The following CERT1 variants were observed in gnomAD, a reference collection of about 807,000 sequenced individuals.
The protein encoded by CERT1 is ceramide transporter 1, also known as ceramide transfer protein.
In CERT1, 31 loss-of-function variants were observed where a neutral mutation model predicts 87.9. That is an observed-to-expected ratio of 0.35 (90% confidence interval 0.27 to 0.48). The LOEUF is 0.48. CERT1 is among the 20% of genes least tolerant of loss of function. The pLI is 0.99. For synonymous variants in CERT1, 289 were observed against 250.9 expected, an observed-to-expected ratio of 1.15 and a Z score of -1.44; for missense variants, 487 against 758.0, an observed-to-expected ratio of 0.64 and a Z score of 4.20.
rs987489487 is a variant in CERT1 at position 75,384,514 on chromosome 5, T to C, written c.1488+128A>G. 5 of 614,496 alleles carry C rather than the reference T, an allele frequency of 8.1e-6. No individual in the cohort carries two copies. In the Admixed American group the frequency reaches 8.9e-5, roughly 11 times the overall value. The allele number at this position is 614,496 out of a possible 1,614,324, so 38.1% of individuals were successfully genotyped here. The stretch of plus-strand genomic sequence containing the variant: ...CTTTTAAATACATGACATTCATGAA[T>C]CATTATTTAATAAAGTCTTTGGATT... On this transcript the variant is annotated intron_variant, in intron 14 of 16. Coordinates refer to ENST00000643780, the MANE Select transcript of CERT1 (RefSeq NM_001379029.1).
chr5:75,409,085 A>G (rs1376477608), intron 8 of CERT1, among the ~76,000 whole-genome samples: 2 of 152,098 alleles, frequency 1.3e-5, no homozygotes, highest in Admixed American at 6.5e-5. Context: ...CAATCTTCCT[A>G]TAATGAATAT....
chr5:75,489,787 G>A (rs1191640422), intron 2 of CERT1, among the ~76,000 whole-genome samples: 2 of 152,156 alleles, frequency 1.3e-5, no homozygotes, highest in Non-Finnish European at 1.5e-5. Flanking sequence ...TCTGTTGGTG[G>A]GAGTGTAAAT....
Position 75,511,415 on chromosome 5 carries a change from T to C in CERT1, c.-208A>G. The C allele has an allele frequency of 1.3e-6, 2 of 1,544,602 alleles. No homozygotes were observed. Among genetic ancestry groups the C allele is most frequent in the South Asian group, 2.4e-5 (2 of 83,858 alleles). ...CGGAGCGAGGAAGGAGGACGAGCGGTGAAGGAAGCCTACCCTTCCAGCCGT... is the reference window on the plus strand; with the variant it reads ...CGGAGCGAGGAAGGAGGACGAGCGGCGAAGGAAGCCTACCCTTCCAGCCGT... On this transcript the variant is annotated 5_prime_UTR_variant, in exon 1 of 17. Coordinates refer to ENST00000643780, the MANE Select transcript of CERT1 (RefSeq NM_001379029.1).
chr5:75,473,009 C>T (rs1372675308), intron 2 of CERT1, among the ~76,000 whole-genome samples: 1 of 152,204 alleles, frequency 6.6e-6, no homozygotes, highest in East Asian at 1.9e-4. Flanking sequence ...GAATCAACCT[C>T]AGTGTCCATT....
chr5:75,426,424 A>AC lies in CERT1; in HGVS notation c.402dup (p.Ser135ValfsTer25). 1 of 1,614,002 alleles carries AC rather than the reference A, an allele frequency of 6.2e-7. No homozygotes were observed. Among genetic ancestry groups the AC allele is most frequent in the Non-Finnish European group, 8.5e-7 (1 of 1,179,940 alleles). ...TAGCCACTTGCTCCAGACACCAGGG[A>AC]CACCATTGAGCCATGTCGACGCAAG... is the stretch of plus-strand genomic sequence containing the variant. On this transcript the variant is annotated frameshift_variant, in exon 4 of 17. Coordinates refer to ENST00000643780, the MANE Select transcript of CERT1 (RefSeq NM_001379029.1). LOFTEE classifies it high-confidence loss of function.
At chr5:75,497,159 C>A (rs760082425) in intron 2 of CERT1, among the ~76,000 whole-genome samples, 7 of 152,114 alleles carry the variant, frequency 4.6e-5, no homozygotes, top group Non-Finnish European at 4.4e-5. Context: ...GCATGAGAAT[C>A]TGTTCAAACA....
chr5:75,402,826 A>G (rs1762552652), intron 9 of CERT1, 146 bp downstream of exon 9: 5 of 525,318 alleles, frequency 9.5e-6, no homozygotes, highest in Admixed American at 3.3e-5. Flanking sequence ...ATTATTTTAC[A>G]TTTGTGACTC....
intron 2 of CERT1, among the ~76,000 whole-genome samples, chr5:75,497,397 A>G (rs1203508625): frequency 1.3e-5 from 2 of 152,200 alleles, no homozygotes; most frequent in Non-Finnish European, 2.9e-5. Context: ...CTTAGACATT[A>G]TCCCCCTTGT....
chr5:75,406,480 T>C (rs1762709121), intron 8 of CERT1, among the ~76,000 whole-genome samples: 1 of 152,216 alleles, frequency 6.6e-6, no homozygotes, highest in South Asian at 2.1e-4. Context: ...GCAGGATCCT[T>C]ATAAGCCTTG....
intron 5 of CERT1, among the ~76,000 whole-genome samples, chr5:75,424,506 A>T (rs996512458): frequency 6.6e-6 from 1 of 151,434 alleles, no homozygotes; most frequent in African/African-American, 2.4e-5. Flanking sequence ...AGGGAGCCGG[A>T]GGTTGCAGCG....
intron 4 of CERT1, among the ~76,000 whole-genome samples, chr5:75,425,941 G>C (rs1379976523): frequency 6.6e-6 from 1 of 152,152 alleles, no homozygotes; most frequent in Non-Finnish European, 1.5e-5. Context: ...TGATCATATA[G>C]ACACTTTTGC....
chr5:75,452,148 TAA>T (rs1764793363), intron 3 of CERT1, among the ~76,000 whole-genome samples: 1 of 152,126 alleles, frequency 6.6e-6, no homozygotes, highest in African/African-American at 2.4e-5. Context: ...TCACAAAGGG[TAA>T]GAACAATTCC....
intron 1 of CERT1, among the ~76,000 whole-genome samples, chr5:75,508,592 C>T (rs1280751848): frequency 6.6e-6 from 1 of 152,082 alleles, no homozygotes; most frequent in Non-Finnish European, 1.5e-5. Flanking sequence ...CCCCATTTAA[C>T]AAATACAGAT....
At chr5:75,444,670 C>T (rs1764466269) in intron 3 of CERT1, among the ~76,000 whole-genome samples, 1 of 151,624 alleles carries the variant, frequency 6.6e-6, no homozygotes, top group Non-Finnish European at 1.5e-5. Context: ...TCTCAGCCTC[C>T]CAAGTAGCTG....
At chr5:75,395,555 CAAAAA>C (rs35109034) in intron 11 of CERT1, among the ~76,000 whole-genome samples, 10 of 48,006 alleles carry the variant, frequency 2.1e-4, no homozygotes, top group African/African-American at 7.2e-4. Context: ...TGTCTCTTTA[CAAAAA>C]AAAAAAAAAA....
chr5:75,496,190 CA>C (rs969810672), intron 2 of CERT1, among the ~76,000 whole-genome samples: 3 of 149,882 alleles, frequency 2.0e-5, no homozygotes, highest in Non-Finnish European at 4.4e-5. Context: ...TACAGATAAG[CA>C]AATGAAAAGA....
intron 11 of CERT1, among the ~76,000 whole-genome samples, chr5:75,393,979 A>T (rs1421025575): frequency 6.6e-6 from 1 of 151,986 alleles, no homozygotes; most frequent in African/African-American, 2.4e-5. Flanking sequence ...AAGGAAATAC[A>T]ACTATGCTTA....
At chr5:75,474,690 A>G (rs1765879896) in intron 2 of CERT1, among the ~76,000 whole-genome samples, 1 of 152,172 alleles carries the variant, frequency 6.6e-6, no homozygotes, top group Non-Finnish European at 1.5e-5. Context: ...CACATGCAGA[A>G]CAATGAAATT....
chr5:75,431,685 C>T (rs959237883), intron 3 of CERT1, among the ~76,000 whole-genome samples: 1 of 152,152 alleles, frequency 6.6e-6, no homozygotes, highest in South Asian at 2.1e-4. Context: ...TCTGATCCTG[C>T]ATTAGTTTAC....
Sources: allele counts gnomAD v4.1 joint callset (sites outside exome capture counted in the v4.1 genomes callset), GRCh38; gene constraint gnomAD v4.1.1; transcripts MANE v1.5; gene names NCBI Gene and HGNC (gene_info 2026-07-23, HGNC 2026-07-21).